MAD1L1: variants seen among roughly 807,000 people sequenced by gnomAD.
MAD1L1 encodes mitotic arrest deficient 1 like 1, also known as mitotic spindle assembly checkpoint protein MAD1.
Under a neutral mutation model 96.9 loss-of-function variants are expected in MAD1L1, and 95 were observed. The ratio of observed to expected loss-of-function variants is 0.98; its 90% CI spans 0.83 to 1.16. MAD1L1 has a LOEUF of 1.16. Among genes scored for constraint, MAD1L1 ranks in the 50% most tolerant of loss-of-function variants. The pLI, the probability that MAD1L1 is intolerant of heterozygous loss-of-function variation, is 0.00. For synonymous variants in MAD1L1, 473 were observed against 396.6 expected (o/e 1.19, Z -2.29); for missense variants, 1,007 against 954.4 (o/e 1.06, Z -0.73).
chr7:2,056,479 T>C (rs1418322468), intron 12 of MAD1L1, among the ~76,000 whole-genome samples: 1 of 151,994 alleles, frequency 6.6e-6, no homozygotes, highest in Non-Finnish European at 1.5e-5. Context: ...CACAGCCAGA[T>C]TTAGGCTCCC....
chr7:1,832,735 G>A (rs1171468299), intron 18 of MAD1L1, among the ~76,000 whole-genome samples: 3 of 98,372 alleles, frequency 3.0e-5, no homozygotes, highest in Non-Finnish European at 4.3e-5. Flanking sequence ...AGGTTCAAGC[G>A]ATTTTCATGC....
chr7:2,167,473 C>T (rs965029316), intron 10 of MAD1L1, among the ~76,000 whole-genome samples: 28 of 151,996 alleles, frequency 1.8e-4, no homozygotes, highest in African/African-American at 6.5e-4. Flanking sequence ...GGCGTGAACC[C>T]GGGAGGCGGA....
Position 1,822,429 on chromosome 7 carries a change from C to CATATATAT in MAD1L1, c.1999-6209_1999-6202dup, listed in dbSNP as rs1413432199. 6.1e-3 allele frequency among the ~76,000 whole-genome samples: 780 copies of CATATATAT among 127,870 alleles called. 13 individuals carry two copies. Among genetic ancestry groups the CATATATAT allele is most frequent in the African/African-American group, 0.015 (520 of 34,138 alleles). The allele number at this position is 127,870 out of a possible 152,430, so 83.9% of individuals were successfully genotyped here. The stretch of plus-strand genomic sequence containing the variant: ...AAGGTAATTGCTGTCCAAACCTCAG[C>CATATATAT]ATATATATATATATTTTTTTTTTTT... On this transcript the variant is annotated intron_variant, in intron 18 of 18. Transcript: ENST00000265854.
chr7:2,225,059 A>C (rs888988838), intron 4 of MAD1L1, among the ~76,000 whole-genome samples: 1 of 152,212 alleles, frequency 6.6e-6, no homozygotes, highest in African/African-American at 2.4e-5. Flanking sequence ...CAATGAACAG[A>C]CACAGCAAGT....
intron 16 of MAD1L1, among the ~76,000 whole-genome samples, chr7:1,955,015 C>G (rs1429782931): frequency 1.3e-5 from 2 of 152,322 alleles, no homozygotes; most frequent in Admixed American, 1.3e-4. Flanking sequence ...GAAGGCAGCA[C>G]GAAGACCTCC....
chr7:1,823,853 C>T (rs942753617), intron 18 of MAD1L1, among the ~76,000 whole-genome samples: 1 of 152,288 alleles, frequency 6.6e-6, no homozygotes, highest in South Asian at 2.1e-4. Context: ...AAGCGCCACG[C>T]ACCTAACTGG....
rs1792608762 is a variant in MAD1L1 at position 2,206,594 on chromosome 7, G to GTATT, written c.986+6614_986+6617dup. Among the ~76,000 whole-genome samples, 7 of 152,310 alleles carry GTATT rather than the reference G, an allele frequency of 4.6e-5. No homozygotes were observed. The South Asian group carries it at 1.4e-3, about 32-fold the overall frequency. Reference sequence around the variant, plus strand: ...GGACACTTTGACAACAATCAACACTGTATTCTTCAATCATTTCTGAACATT... The same window carrying GTATT: ...GGACACTTTGACAACAATCAACACTGTATTTATTCTTCAATCATTTCTGAACATT... On this transcript the variant is annotated intron_variant, in intron 10 of 18. Transcript: ENST00000265854.
intron 10 of MAD1L1, among the ~76,000 whole-genome samples, chr7:2,210,267 A>T (rs557335548): frequency 6.6e-6 from 1 of 152,194 alleles, no homozygotes; most frequent in African/African-American, 2.4e-5. Context: ...ACGGGGTCTC[A>T]ACTGCGTTCC....
chr7:2,139,366 G>A (rs902185114), intron 11 of MAD1L1, among the ~76,000 whole-genome samples: 6 of 151,390 alleles, frequency 4.0e-5, no homozygotes, highest in Admixed American at 2.6e-4. Flanking sequence ...TTGCCAAGGC[G>A]GGAGCGCTGC....
At chr7:2,039,638 T>C (rs1398861498) in intron 12 of MAD1L1, among the ~76,000 whole-genome samples, 2 of 152,190 alleles carry the variant, frequency 1.3e-5, no homozygotes, top group African/African-American at 2.4e-5. Context: ...TTAACTGTCA[T>C]CTGTATATGT....
intron 17 of MAD1L1, among the ~76,000 whole-genome samples, chr7:1,922,333 G>T (rs574249284): frequency 6.6e-6 from 1 of 152,272 alleles, no homozygotes; most frequent in Non-Finnish European, 1.5e-5. Context: ...CGTTGTCGGC[G>T]TGCTGTGGTG....
At chr7:2,100,129 T>C (rs1056767223) in intron 11 of MAD1L1, among the ~76,000 whole-genome samples, 3 of 152,274 alleles carry the variant, frequency 2.0e-5, no homozygotes, top group Non-Finnish European at 4.4e-5. Flanking sequence ...CAGGCAACCA[T>C]TGAGGTTTGA....
intron 11 of MAD1L1, among the ~76,000 whole-genome samples, chr7:2,096,067 C>T (rs946230273): frequency 6.6e-6 from 1 of 152,226 alleles, no homozygotes; most frequent in Admixed American, 6.5e-5. Flanking sequence ...GCTCGCAGCC[C>T]ACAAACAGGA....
At chr7:2,098,325 C>T (rs981544878) in intron 11 of MAD1L1, among the ~76,000 whole-genome samples, 4 of 152,226 alleles carry the variant, frequency 2.6e-5, no homozygotes, top group Non-Finnish European at 5.9e-5. Context: ...CAGATGAGGC[C>T]TGCGCAGCAC....
chr7:2,193,845 AG>A (rs1791847782), intron 10 of MAD1L1, among the ~76,000 whole-genome samples: 1 of 151,968 alleles, frequency 6.6e-6, no homozygotes, highest in Non-Finnish European at 1.5e-5. Flanking sequence ...AAATCTGGAA[AG>A]GAAGAAACCA....
chr7:2,157,616 C>T (rs113371402), intron 10 of MAD1L1, among the ~76,000 whole-genome samples: 58 of 152,262 alleles, frequency 3.8e-4, no homozygotes, highest in African/African-American at 1.3e-3. Flanking sequence ...CTCAGGAACC[C>T]GGCTTGTGCC....
intron 18 of MAD1L1, among the ~76,000 whole-genome samples, chr7:1,853,435 C>T (rs1012697101): frequency 1.2e-4 from 18 of 152,308 alleles, no homozygotes; most frequent in African/African-American, 4.1e-4. Context: ...AACAAACACA[C>T]GCTCAGCCCG....
At chr7:2,210,778 G>A (rs1484219899) in intron 10 of MAD1L1, among the ~76,000 whole-genome samples, 2 of 152,240 alleles carry the variant, frequency 1.3e-5, no homozygotes, top group Non-Finnish European at 2.9e-5. Flanking sequence ...CCACAGCCAA[G>A]GCCAACGCAG....
At chr7:2,213,641 T>C (rs915727464) in intron 9 of MAD1L1, among the ~76,000 whole-genome samples, 14 of 152,020 alleles carry the variant, frequency 9.2e-5, no homozygotes, top group East Asian at 7.7e-4. Flanking sequence ...GACTCATCCC[T>C]CCCCCATCTT....
Sources: gnomAD v4.1 joint callset for allele counts (sites outside exome capture counted in the v4.1 genomes callset) on GRCh38, gnomAD v4.1.1 for gene constraint, MANE v1.5 for transcripts, NCBI Gene and HGNC (gene_info 2026-07-23, HGNC 2026-07-21) for gene names.